Variants in MTUS2 observed in about 807,000 individuals in gnomAD.
The protein encoded by MTUS2 is microtubule-associated tumor suppressor candidate 2.
Under a neutral mutation model 114.1 loss-of-function variants are expected in MTUS2, and 40 were observed. The observed-to-expected ratio is 0.35, with a 90% CI of 0.27 to 0.46. The LOEUF is 0.46. MTUS2 is among the 20% of genes least tolerant of loss of function. The pLI is 1.00. For synonymous variants in MTUS2, 688 were observed against 672.0 expected, an observed-to-expected ratio of 1.02 and a Z score of -0.37; for missense variants, 1,679 against 1,705.4, an observed-to-expected ratio of 0.98 and a Z score of 0.27.
intron 2 of MTUS2, among the ~76,000 whole-genome samples, chr13:28,891,968 C>T (rs576900397): frequency 2.6e-5 from 4 of 152,004 alleles, no homozygotes; most frequent in African/African-American, 7.2e-5. Context: ...CCCTAAGATC[C>T]GGCTCAGCTG....
intron 5 of MTUS2, among the ~76,000 whole-genome samples, chr13:29,208,162 G>T (rs556849951): frequency 6.6e-6 from 1 of 151,974 alleles, no homozygotes; most frequent in Non-Finnish European, 1.5e-5. Flanking sequence ...ATCTAGGAAG[G>T]TTTTATATTT....
At chr13:29,161,238 T>C (rs186640603) in intron 5 of MTUS2, among the ~76,000 whole-genome samples, 36 of 152,320 alleles carry the variant, frequency 2.4e-4, no homozygotes, top group African/African-American at 7.2e-4. Context: ...AATGTCTGTA[T>C]CCTGATTGTG....
At chr13:29,340,714 T>C (rs576566694) in intron 7 of MTUS2, among the ~76,000 whole-genome samples, 8 of 152,344 alleles carry the variant, frequency 5.3e-5, no homozygotes, top group Admixed American at 2.6e-4. Context: ...ATAAGTTCTT[T>C]AGTGGTGATT....
intron 1 of MTUS2, among the ~76,000 whole-genome samples, chr13:28,835,715 A>G (rs1202006468): frequency 1.3e-5 from 2 of 152,200 alleles, no homozygotes; most frequent in Non-Finnish European, 2.9e-5. Context: ...TGAGAGTTTT[A>G]GTTCCCCCCA....
chr13:29,099,068 A>G (rs1365203576), intron 4 of MTUS2, among the ~76,000 whole-genome samples: 2 of 152,248 alleles, frequency 1.3e-5, no homozygotes, highest in Non-Finnish European at 2.9e-5. Context: ...TGAACATGAT[A>G]TCTGATATAT....
intron 5 of MTUS2, among the ~76,000 whole-genome samples, chr13:29,144,654 C>T (rs911411374): frequency 1.3e-5 from 2 of 152,132 alleles, no homozygotes; most frequent in Non-Finnish European, 2.9e-5. Flanking sequence ...TAGAGGCTAC[C>T]CTTGCCACAT....
At chr13:29,440,077 A>G (rs1877718654) in intron 9 of MTUS2, 28 bp downstream of exon 9, 1 of 1,558,866 alleles carries the variant, frequency 6.4e-7, no homozygotes, top group Non-Finnish European at 8.7e-7. Context: ...AATGAGGAGC[A>G]TAAAGAATGT....
rs1566172704 is a variant in MTUS2 at position 29,389,377 on chromosome 13, A to ACACGTGTGTGTGTG, written c.3117+29904_3117+29905insCACGTGTGTGTGTG. Among the ~76,000 whole-genome samples the ACACGTGTGTGTGTG allele has an allele frequency of 6.7e-3, 401 of 60,016 alleles. 22 individuals are homozygous for ACACGTGTGTGTGTG. The highest frequency in any genetic ancestry group is 9.2e-3 in the Non-Finnish European group (282 of 30,584). 39.4% of individuals were successfully genotyped at this position (60,016 alleles called of 152,430 possible). A position where few individuals can be genotyped will look rare whatever the true frequency, so the allele number is the denominator to read the frequency against. ...TATATATGTATGCACGTGTGTGTATATATGTATACACGTGTGTGTATATAT... is the reference window on the plus strand; with the variant it reads ...TATATATGTATGCACGTGTGTGTATACACGTGTGTGTGTGTATGTATACACGTGTGTGTATATAT... On this transcript the variant is annotated intron_variant, in intron 8 of 15. Transcript: ENST00000612955.
At chr13:28,911,778 G>A (rs1880447935) in intron 2 of MTUS2, among the ~76,000 whole-genome samples, 1 of 143,736 alleles carries the variant, frequency 7.0e-6, no homozygotes, top group African/African-American at 2.6e-5. Flanking sequence ...TTTTTCATAT[G>A]TTTATTGGCC....
intron 2 of MTUS2, among the ~76,000 whole-genome samples, chr13:29,010,640 G>C (rs1418704393): frequency 1.3e-5 from 2 of 152,008 alleles, no homozygotes; most frequent in Non-Finnish European, 2.9e-5. Flanking sequence ...TCCCCCTGCT[G>C]TGGGGAGGTT....
chr13:29,389,432 T>C (rs1418959459), intron 8 of MTUS2, among the ~76,000 whole-genome samples: 1 of 124,148 alleles, frequency 8.1e-6, no homozygotes, highest in African/African-American at 3.2e-5. Flanking sequence ...TGTATACACG[T>C]GTGTGTATGT....
chr13:29,395,920 T>G (rs1873881276), intron 8 of MTUS2, among the ~76,000 whole-genome samples: 1 of 152,196 alleles, frequency 6.6e-6, no homozygotes, highest in Non-Finnish European at 1.5e-5. Flanking sequence ...AAAGAATCCT[T>G]TTTGCAGTCT....
chr13:29,191,308 A>ATT (rs968628661), intron 5 of MTUS2, among the ~76,000 whole-genome samples: 1 of 151,946 alleles, frequency 6.6e-6, no homozygotes, highest in African/African-American at 2.4e-5. Context: ...CTGAGATACC[A>ATT]TTTTTTTATA....
At chr13:29,473,607 ATAT>A (rs774507300) in intron 9 of MTUS2, among the ~76,000 whole-genome samples, 11 of 152,276 alleles carry the variant, frequency 7.2e-5, no homozygotes, top group Non-Finnish European at 1.6e-4. Flanking sequence ...AGTTTTAATA[ATAT>A]TTTAGGTATT....
intron 5 of MTUS2, among the ~76,000 whole-genome samples, chr13:29,191,714 A>T (rs1453201350): frequency 6.6e-6 from 1 of 152,158 alleles, no homozygotes; most frequent in Non-Finnish European, 1.5e-5. Context: ...TCCCTGGCTC[A>T]TGACAGCCTT....
intron 5 of MTUS2, among the ~76,000 whole-genome samples, chr13:29,249,889 G>T (rs914760548): frequency 2.4e-4 from 37 of 152,082 alleles, no homozygotes; most frequent in African/African-American, 8.9e-4. Flanking sequence ...ATGGATTAAA[G>T]ATTTAAATGT....
intron 11 of MTUS2, among the ~76,000 whole-genome samples, chr13:29,491,229 G>A (rs1395945759): frequency 1.3e-5 from 2 of 150,498 alleles, no homozygotes; most frequent in Non-Finnish European, 3.0e-5. Context: ...GTACAAAGGT[G>A]TGGGTGCTGT....
chr13:29,366,989 A>G (rs1870776861), intron 8 of MTUS2, among the ~76,000 whole-genome samples: 1 of 152,136 alleles, frequency 6.6e-6, no homozygotes, highest in Non-Finnish European at 1.5e-5. Flanking sequence ...ACACACTCTG[A>G]ATCATCTCCA....
rs376401471 is a variant in MTUS2, at chr13:29,328,864, C to T, written c.2905+4153C>T. ...CTGTGGGATAAAATCTTTTTTACTT[C>T]TTTCAGCATCTGCTATCTGTCATGT... On this transcript the variant is annotated intron_variant, in intron 7 of 15. Transcript: ENST00000612955. Among the ~76,000 whole-genome samples the T allele has an allele frequency of 4.6e-5, 7 of 152,256 alleles. No individual in the cohort carries two copies. In the South Asian group the frequency reaches 1.5e-3, roughly 32 times the overall value.
Sources: gnomAD v4.1 joint callset for allele counts (sites outside exome capture counted in the v4.1 genomes callset) on GRCh38, gnomAD v4.1.1 for gene constraint, MANE v1.5 for transcripts, NCBI Gene and HGNC (gene_info 2026-07-23, HGNC 2026-07-21) for gene names.